The following SPOCK1 variants were observed in gnomAD, a reference collection of about 807,000 sequenced individuals.
SPOCK1 encodes testican-1.
In SPOCK1, 23 loss-of-function variants were observed where a neutral mutation model predicts 55.3. The observed-to-expected ratio is 0.42, with a 90% CI of 0.30 to 0.59. SPOCK1 has a LOEUF of 0.59. Ranked by LOEUF, SPOCK1 falls within the 20% of genes least tolerant of loss-of-function variation. The pLI is 0.22. For synonymous variants in SPOCK1, 226 were observed against 221.0 expected (o/e 1.02, Z -0.20); for missense variants, 499 against 552.5 (o/e 0.90, Z 0.97).
At chr5:137,200,891 T>C (rs530778100) in intron 3 of SPOCK1, among the ~76,000 whole-genome samples, 1 of 152,284 alleles carries the variant, frequency 6.6e-6, no homozygotes, top group South Asian at 2.1e-4. Context: ...CTAGAATAAG[T>C]CTTCTGTTAA....
intron 3 of SPOCK1, among the ~76,000 whole-genome samples, chr5:137,170,189 T>G (rs373541427): frequency 1.5e-4 from 23 of 152,366 alleles, no homozygotes; most frequent in African/African-American, 5.5e-4. Context: ...TGATACAATG[T>G]AAATGCCATG....
intron 3 of SPOCK1, among the ~76,000 whole-genome samples, chr5:137,249,409 C>T (rs540591055): frequency 6.6e-6 from 1 of 152,178 alleles, no homozygotes; most frequent in East Asian, 1.9e-4. Flanking sequence ...ACACAGAATA[C>T]TATGCTATAA....
intron 2 of SPOCK1, among the ~76,000 whole-genome samples, chr5:137,417,842 T>C (rs1270686421): frequency 2.0e-5 from 3 of 152,232 alleles, no homozygotes; most frequent in Non-Finnish European, 1.5e-5. Context: ...TTAGGGTACA[T>C]GTGCACAACG....
chr5:137,066,163 G>T (rs77207086), intron 6 of SPOCK1, among the ~76,000 whole-genome samples: 2,590 of 152,176 alleles, frequency 0.017, 82 homozygotes, highest in East Asian at 0.13. Flanking sequence ...TTTTGAGATG[G>T]AGTCTCACTC....
intron 10 of SPOCK1, 63 bp from the exon 11 acceptor site, chr5:136,978,907 GTTCC>G (rs1750670830): frequency 6.6e-7 from 1 of 1,504,048 alleles, no homozygotes; most frequent in Non-Finnish European, 8.9e-7. Flanking sequence ...CACGTCAGGG[GTTCC>G]TTTGCCTGAA....
intron 3 of SPOCK1, among the ~76,000 whole-genome samples, chr5:137,229,092 T>C (rs1756002346): frequency 6.6e-6 from 1 of 152,158 alleles, no homozygotes; most frequent in African/African-American, 2.4e-5. Context: ...TGGAAAAGCA[T>C]CATCCCCAGT....
intron 2 of SPOCK1, among the ~76,000 whole-genome samples, chr5:137,310,465 A>G (rs2127142012): frequency 6.6e-6 from 1 of 152,368 alleles, no homozygotes; most frequent in East Asian, 1.9e-4. Context: ...AGGAGACTAC[A>G]GTTGAAATAA....
At chr5:137,213,444 C>A (rs1332776521) in intron 3 of SPOCK1, among the ~76,000 whole-genome samples, 1 of 152,218 alleles carries the variant, frequency 6.6e-6, no homozygotes, top group East Asian at 1.9e-4. Context: ...CAATTATATT[C>A]TCTCATTTTA....
chr5:137,432,259 C>T (rs1428564600), intron 2 of SPOCK1, among the ~76,000 whole-genome samples: 4 of 152,202 alleles, frequency 2.6e-5, no homozygotes, highest in Admixed American at 2.6e-4. Flanking sequence ...TCTGGATATA[C>T]ACCCAAAAGA....
At chr5:137,429,202 T>C (rs774505152) in intron 2 of SPOCK1, among the ~76,000 whole-genome samples, 2 of 152,192 alleles carry the variant, frequency 1.3e-5, no homozygotes, top group Non-Finnish European at 2.9e-5. Context: ...AGGATTCTGC[T>C]TTCTCAGGCT....
chr5:137,302,243 T>C, intron 2 of SPOCK1, among the ~76,000 whole-genome samples: 1 of 152,150 alleles, frequency 6.6e-6, no homozygotes, highest in East Asian at 1.9e-4. Context: ...ATTCCTTTGC[T>C]TTACATGAGG....
chr5:137,143,960 G>A (rs75247723), intron 3 of SPOCK1, among the ~76,000 whole-genome samples: 2,408 of 152,200 alleles, frequency 0.016, 66 homozygotes, highest in African/African-American at 0.054. Context: ...AGCTGATTGC[G>A]GGGCTCACCT....
chr5:137,267,645 T>G (rs1347713246), intron 2 of SPOCK1, among the ~76,000 whole-genome samples: 1 of 152,244 alleles, frequency 6.6e-6, no homozygotes, highest in Non-Finnish European at 1.5e-5. Context: ...CATAACCATG[T>G]CTTTCCTGCA....
rs1750649535 is a variant in SPOCK1, at chr5:136,977,984, G to C, written c.*670C>G. ...TGTGTGTGCAAGGCACACACATACAGTCTTTCTGTACATGCATGCATATTT... is the reference window on the plus strand; with the variant it reads ...TGTGTGTGCAAGGCACACACATACACTCTTTCTGTACATGCATGCATATTT... On this transcript the variant is annotated 3_prime_UTR_variant, in exon 11 of 11. Coordinates refer to ENST00000394945, the MANE Select transcript of SPOCK1 (RefSeq NM_004598.4). 1.0e-5 allele frequency: 4 copies of C among 398,730 alleles called. No homozygotes were observed. The highest frequency in any genetic ancestry group is 7.1e-5 in the East Asian group (2 of 28,060). The allele number at this position is 398,730 out of a possible 1,614,324, so 24.7% of individuals were successfully genotyped here.
At chr5:137,044,199 C>G (rs1222696879) in intron 6 of SPOCK1, among the ~76,000 whole-genome samples, 1 of 152,162 alleles carries the variant, frequency 6.6e-6, no homozygotes, top group African/African-American at 2.4e-5. Flanking sequence ...GGAGAGTTGT[C>G]TCTAAGTGAC....
At chr5:137,149,926 C>T (rs1473279101) in intron 3 of SPOCK1, among the ~76,000 whole-genome samples, 1 of 152,154 alleles carries the variant, frequency 6.6e-6, no homozygotes, top group East Asian at 1.9e-4. Context: ...CAAACAGATC[C>T]ACTTTACTGA....
intron 3 of SPOCK1, among the ~76,000 whole-genome samples, chr5:137,182,086 T>C (rs1042858268): frequency 4.6e-5 from 7 of 152,212 alleles, no homozygotes; most frequent in Admixed American, 3.9e-4. Flanking sequence ...CTCTTTCTTA[T>C]AGAGACTGTG....
intron 3 of SPOCK1, among the ~76,000 whole-genome samples, chr5:137,186,504 G>A (rs796542214): frequency 4.6e-5 from 7 of 152,318 alleles, no homozygotes; most frequent in African/African-American, 1.7e-4. Context: ...GGACCAAACT[G>A]GACAAGATAA....
At chr5:137,065,129 G>A (rs1297349902) in intron 6 of SPOCK1, among the ~76,000 whole-genome samples, 2 of 151,822 alleles carry the variant, frequency 1.3e-5, no homozygotes, top group Admixed American at 6.6e-5. Flanking sequence ...TAGGGAGGAT[G>A]AGGCAGGGGA....
Sources: allele counts gnomAD v4.1 joint callset (sites outside exome capture counted in the v4.1 genomes callset), GRCh38; gene constraint gnomAD v4.1.1; transcripts MANE v1.5; gene names NCBI Gene and HGNC (gene_info 2026-07-23, HGNC 2026-07-21).